Variants in DOCK7 observed in about 807,000 individuals in gnomAD.
The protein encoded by DOCK7 is dedicator of cytokinesis protein 7.
In DOCK7, 138 loss-of-function variants were observed where a neutral mutation model predicts 271.0. The ratio of observed to expected loss-of-function variants is 0.51; its 90% CI spans 0.44 to 0.59. DOCK7 has a LOEUF of 0.59. Among genes scored for constraint, DOCK7 ranks in the 20% least tolerant of loss-of-function variants. DOCK7 has a pLI of 0.00. For synonymous variants in DOCK7, 823 were observed against 876.1 expected, an observed-to-expected ratio of 0.94 and a Z score of 1.07; for missense variants, 2,066 against 2,592.4, an observed-to-expected ratio of 0.80 and a Z score of 4.41.
At chr1:62,525,117 T>C (rs1644968581) in intron 31 of DOCK7, among the ~76,000 whole-genome samples, 1 of 151,376 alleles carries the variant, frequency 6.6e-6, no homozygotes, top group Non-Finnish European at 1.5e-5. Flanking sequence ...GTGATTCTCC[T>C]GTCTTAGCCT....
chr1:62,602,562 A>G (rs1308319314), intron 14 of DOCK7, among the ~76,000 whole-genome samples: 1 of 151,800 alleles, frequency 6.6e-6, no homozygotes. Flanking sequence ...AACTGTTATT[A>G]TTTGAATTAT....
intron 16 of DOCK7, among the ~76,000 whole-genome samples, chr1:62,579,250 T>C (rs538955577): frequency 6.6e-6 from 1 of 152,166 alleles, no homozygotes; most frequent in South Asian, 2.1e-4. Flanking sequence ...GAGATCTCCA[T>C]TAGATTGGAA....
intron 28 of DOCK7, among the ~76,000 whole-genome samples, chr1:62,536,956 G>C (rs1353862008): frequency 1.3e-5 from 2 of 152,162 alleles, no homozygotes; most frequent in Admixed American, 6.5e-5. Context: ...CATCTACAGA[G>C]AACCTACTAG....
chr1:62,513,165 C>T (rs1454924356), intron 33 of DOCK7, among the ~76,000 whole-genome samples: 2 of 140,122 alleles, frequency 1.4e-5, no homozygotes, highest in South Asian at 4.5e-4. Flanking sequence ...AGGATGGATG[C>T]TATTAATCAC....
At chr1:62,563,128 G>A (rs1349882666) in intron 18 of DOCK7, among the ~76,000 whole-genome samples, 1 of 152,172 alleles carries the variant, frequency 6.6e-6, no homozygotes, top group African/African-American at 2.4e-5. Flanking sequence ...GAAGGGGTCA[G>A]CAAAGGCCTA....
chr1:62,527,517 T>G (rs942216816), intron 31 of DOCK7, among the ~76,000 whole-genome samples: 1 of 152,074 alleles, frequency 6.6e-6, no homozygotes, highest in Admixed American at 6.6e-5. Context: ...ATATACACCA[T>G]GGAATACTAT....
At chr1:62,597,662 G>T in intron 14 of DOCK7, 1 of 1,613,358 alleles carries the variant, frequency 6.2e-7, no homozygotes. Flanking sequence ...TATCTCCAGA[G>T]CCAAAATCAA....
At chr1:62,662,958 C>G in intron 2 of DOCK7, 67 bp downstream of exon 2, 1 of 1,272,302 alleles carries the variant, frequency 7.9e-7, no homozygotes, top group Non-Finnish European at 1.1e-6. Flanking sequence ...CTTATCTTTC[C>G]ACTATTTTTT....
rs1170972944 is a variant in DOCK7 at position 62,592,483 on chromosome 1, C to T, written c.1683-5859G>A. The stretch of plus-strand genomic sequence containing the variant: ...AATTTTTAAAGCATCTATTAATACA[C>T]AGCAAGTGATACCATAAACGCAGGA... On this transcript the variant is annotated intron_variant, in intron 14 of 49. Coordinates refer to ENST00000635253, the MANE Select transcript of DOCK7 (RefSeq NM_001367561.1). Among the ~76,000 whole-genome samples, 3 of 152,104 alleles carry T rather than the reference C, an allele frequency of 2.0e-5. No individual in the cohort carries two copies. In the East Asian group the frequency reaches 5.8e-4, roughly 29 times the overall value.
intron 48 of DOCK7, among the ~76,000 whole-genome samples, chr1:62,467,445 A>G (rs1474709708): frequency 1.3e-5 from 2 of 152,254 alleles, no homozygotes; most frequent in African/African-American, 2.4e-5. Context: ...GCAGTGCCAG[A>G]AAACAAACTG....
intron 14 of DOCK7, among the ~76,000 whole-genome samples, chr1:62,616,101 T>C (rs552015203): frequency 7.2e-5 from 11 of 151,926 alleles, no homozygotes; most frequent in African/African-American, 9.6e-5. Flanking sequence ...TACTAACTTA[T>C]AATTTATAAA....
In DOCK7 at chr1:62,648,501, T is replaced by A. The variant is rs1656950187; in HGVS notation, c.433A>T (p.Lys145Ter). The A allele has an allele frequency of 1.3e-6, 2 of 1,483,520 alleles. No homozygotes were observed. The highest frequency in any genetic ancestry group is 1.8e-6 in the Non-Finnish European group (2 of 1,100,270). The allele number at this position is 1,483,520 out of a possible 1,614,324, so 91.9% of individuals were successfully genotyped here. Residue 145 changes from lysine (K) to a stop codon, truncating the protein, a stop_gained, in exon 5 of 50, where the codon AAA becomes TAA. Coordinates refer to ENST00000635253, the MANE Select transcript of DOCK7 (RefSeq NM_001367561.1). LOFTEE classifies it high-confidence loss of function. ...GTGFNPNTLD[K>*]QKERQKGLPK... is the part of the protein sequence containing the mutation. ...AAACCTTTTTGCCTTTCTTTCTGTT[T>A]ATCTAATGTATTGGGATTAAATCCT...
intron 14 of DOCK7, among the ~76,000 whole-genome samples, chr1:62,593,864 TA>T (rs981394583): frequency 1.3e-5 from 2 of 152,076 alleles, no homozygotes; most frequent in African/African-American, 4.8e-5. Flanking sequence ...CTATTGTAGT[TA>T]AAAAGGAAAA....
chr1:62,464,837 T>C (rs1488109347), intron 48 of DOCK7, among the ~76,000 whole-genome samples: 4 of 152,206 alleles, frequency 2.6e-5, no homozygotes, highest in Non-Finnish European at 5.9e-5. Context: ...TGCTTATATG[T>C]GGATTTTTTC....
chr1:62,479,567 T>A (rs1263902877), intron 43 of DOCK7, among the ~76,000 whole-genome samples: 1 of 152,132 alleles, frequency 6.6e-6, no homozygotes, highest in African/African-American at 2.4e-5. Flanking sequence ...ATAAAGGCAC[T>A]GCATGAAAAA....
chr1:62,491,819 A>G (rs919865394), intron 41 of DOCK7, among the ~76,000 whole-genome samples: 2 of 152,204 alleles, frequency 1.3e-5, no homozygotes, highest in Admixed American at 1.3e-4. Flanking sequence ...TACGTTTTTT[A>G]ACTTAAAGGT....
rs141017482 is a variant in DOCK7, at chr1:62,485,342, TCA to T, written c.5508+2054_5508+2055del. ...AAATACTAAGTTTTAGAGTTATCTT[TCA>T]CACACACACACACACACCCTTCTAA... On this transcript the variant is annotated intron_variant, in intron 43 of 49. Coordinates refer to ENST00000635253, the MANE Select transcript of DOCK7 (RefSeq NM_001367561.1). The T allele has an allele frequency of 2.7e-4, 248 of 912,458 alleles. 3 individuals are homozygous for T. In the South Asian group the frequency reaches 6.4e-3, roughly 23 times the overall value. 56.5% of individuals were successfully genotyped at this position (912,458 alleles called of 1,614,324 possible).
At chr1:62,661,893 G>T (rs1202815017) in intron 2 of DOCK7, among the ~76,000 whole-genome samples, 1 of 152,088 alleles carries the variant, frequency 6.6e-6, no homozygotes, top group South Asian at 2.1e-4. Context: ...GAAGAGAGGC[G>T]TTCAAGACAC....
chr1:62,651,845 G>A (rs575759706), intron 4 of DOCK7, among the ~76,000 whole-genome samples: 1 of 152,102 alleles, frequency 6.6e-6, no homozygotes, highest in East Asian at 1.9e-4. Context: ...CAAATACTTG[G>A]CAATTTTGGG....
Sources: gnomAD v4.1 joint callset for allele counts (sites outside exome capture counted in the v4.1 genomes callset) on GRCh38, gnomAD v4.1.1 for gene constraint, MANE v1.5 for transcripts, NCBI Gene and HGNC (gene_info 2026-07-23, HGNC 2026-07-21) for gene names.